Variants in TENT2 observed in about 807,000 individuals in gnomAD.
TENT2 encodes terminal nucleotidyltransferase 2, also known as poly(A) RNA polymerase GLD2.
TENT2 carries 44 observed loss-of-function variants against 72.2 expected under a neutral mutation model. That is an observed-to-expected ratio of 0.61 (90% CI 0.48 to 0.78). The LOEUF is 0.78. Among genes scored for constraint, TENT2 ranks in the 30% least tolerant of loss-of-function variants. The pLI, the probability that TENT2 is intolerant of heterozygous loss-of-function variation, is 0.00. For missense variants in TENT2, 541 were observed against 569.6 expected (o/e 0.95, Z 0.51); for synonymous variants, 212 against 192.5 (o/e 1.10, Z -0.84).
intron 10 of TENT2, among the ~76,000 whole-genome samples, chr5:79,650,717 A>T (rs1013664131): frequency 6.6e-6 from 1 of 152,090 alleles, no homozygotes. Context: ...CTTATGCTAT[A>T]GATCAAAAAT....
intron 4 of TENT2, among the ~76,000 whole-genome samples, chr5:79,636,478 GTTATA>G (rs1330076757): frequency 6.6e-6 from 1 of 152,094 alleles, no homozygotes; most frequent in Non-Finnish European, 1.5e-5. Flanking sequence ...TTACTGTAGT[GTTATA>G]TTAAGTATAG....
intron 2 of TENT2, 35 bp from the exon 3 acceptor site, chr5:79,619,959 G>T (rs1192175299): frequency 1.3e-6 from 2 of 1,505,548 alleles, no homozygotes; most frequent in Non-Finnish European, 1.8e-6. Context: ...GAAAAAATAT[G>T]TATAAATTAC....
At chr5:79,622,749 G>T (rs549493618) in intron 3 of TENT2, among the ~76,000 whole-genome samples, 1 of 152,146 alleles carries the variant, frequency 6.6e-6, no homozygotes, top group South Asian at 2.1e-4. Context: ...TATCTGAGTT[G>T]CAGCTCATTT....
intron 3 of TENT2, among the ~76,000 whole-genome samples, chr5:79,621,653 G>A (rs1360308187): frequency 6.6e-6 from 1 of 151,338 alleles, no homozygotes; most frequent in Non-Finnish European, 1.5e-5. Context: ...AGCTACTCAG[G>A]AGGCTGAGGC....
At chr5:79,640,712 T>C in intron 4 of TENT2, 139 bp from the exon 5 acceptor site, 1 of 506,628 alleles carries the variant, frequency 2.0e-6, no homozygotes, top group Non-Finnish European at 3.5e-6. Context: ...AATAGTAGCT[T>C]TGTTTTGGGA....
intron 14 of TENT2, among the ~76,000 whole-genome samples, chr5:79,683,287 T>TCA (rs1201461796): frequency 6.7e-6 from 1 of 150,182 alleles, no homozygotes; most frequent in Admixed American, 6.6e-5. Flanking sequence ...AAGACATAGT[T>TCA]CACACACACA....
At chr5:79,637,104 C>T (rs764462611) in intron 4 of TENT2, among the ~76,000 whole-genome samples, 3 of 152,088 alleles carry the variant, frequency 2.0e-5, no homozygotes, top group African/African-American at 4.8e-5. Flanking sequence ...TGTGGTGCTG[C>T]ACACCTTTAG....
chr5:79,619,672 T>C lies in TENT2; in HGVS notation c.24T>C (p.Gly8=). The C allele has an allele frequency of 6.2e-7, 1 of 1,613,644 alleles. No homozygotes were observed. The highest frequency in any genetic ancestry group is 8.5e-7 in the Non-Finnish European group (1 of 1,179,800). The change falls in exon 2 of 15, where the codon GGT becomes GGC. Residue 8 remains glycine, a synonymous_variant. Coordinates refer to ENST00000453514, the MANE Select transcript of TENT2 (RefSeq NM_001114394.3). MFPNSIL[G]RPPFTPNHQQ... is the part of the protein sequence containing the mutation. The stretch of plus-strand genomic sequence containing the variant: ...GCATGTTCCCAAACTCAATTTTGGG[T>C]CGCCCACCCTTCACTCCAAATCATC...
At chr5:79,653,810 AT>A (rs1404408832) in intron 10 of TENT2, among the ~76,000 whole-genome samples, 1 of 152,176 alleles carries the variant, frequency 6.6e-6, no homozygotes. Flanking sequence ...TGCAAGGTGT[AT>A]TGAGTAGTTA....
intron 4 of TENT2, among the ~76,000 whole-genome samples, chr5:79,635,781 C>G (rs1231915265): frequency 6.6e-6 from 1 of 152,174 alleles, no homozygotes; most frequent in African/African-American, 2.4e-5. Context: ...GTCTTGAACT[C>G]CTGAGCTCCG....
chr5:79,635,839 A>G (rs948549248), intron 4 of TENT2, among the ~76,000 whole-genome samples: 1 of 152,186 alleles, frequency 6.6e-6, no homozygotes, highest in Admixed American at 6.5e-5. Flanking sequence ...TACAGGCGTG[A>G]GCTACCTTGC....
intron 6 of TENT2, 46 bp from the exon 7 acceptor site, chr5:79,642,785 TA>T (rs1248741929): frequency 6.8e-7 from 1 of 1,459,878 alleles, no homozygotes; most frequent in Non-Finnish European, 9.4e-7. Context: ...AATGAAACAT[TA>T]AACTTAGAAA....
chr5:79,635,643 C>A (rs1333916181), intron 4 of TENT2, among the ~76,000 whole-genome samples: 1 of 152,112 alleles, frequency 6.6e-6, no homozygotes, highest in East Asian at 1.9e-4. Context: ...CAACCTCTGC[C>A]TCCAGGGTTC....
chr5:79,665,752 A>C (rs1440191437), intron 11 of TENT2, among the ~76,000 whole-genome samples: 1 of 152,128 alleles, frequency 6.6e-6, no homozygotes, highest in Non-Finnish European at 1.5e-5. Flanking sequence ...TAACCCAAAA[A>C]TTTATTTATT....
chr5:79,684,941 C>G (rs1012848077), intron 14 of TENT2, among the ~76,000 whole-genome samples: 1 of 152,120 alleles, frequency 6.6e-6, no homozygotes, highest in African/African-American at 2.4e-5. Context: ...GCCTGTAGTC[C>G]CAGCTACTCA....
chr5:79,634,038 G>A (rs530818262), intron 4 of TENT2, among the ~76,000 whole-genome samples: 2 of 150,038 alleles, frequency 1.3e-5, no homozygotes, highest in South Asian at 4.2e-4. Context: ...ACCTGGTGGC[G>A]GACGCCTATA....
chr5:79,677,936 G>T (rs1204557274), intron 12 of TENT2, among the ~76,000 whole-genome samples: 1 of 152,134 alleles, frequency 6.6e-6, no homozygotes, highest in Non-Finnish European at 1.5e-5. Context: ...GAGTAGCTGG[G>T]ACTATAGGCG....
intron 8 of TENT2, among the ~76,000 whole-genome samples, chr5:79,646,767 A>AGC (rs1789369833): frequency 7.1e-6 from 1 of 140,982 alleles, no homozygotes; most frequent in Admixed American, 7.2e-5. Flanking sequence ...TTTGTTCCTA[A>AGC]GCTTTTTTTT....
chr5:79,682,871 C>T (rs1275452343), intron 14 of TENT2, among the ~76,000 whole-genome samples: 1 of 152,050 alleles, frequency 6.6e-6, no homozygotes, highest in Non-Finnish European at 1.5e-5. Flanking sequence ...TCTTCAGGGA[C>T]TTCACAACAC....
Sources: allele counts gnomAD v4.1 joint callset (sites outside exome capture counted in the v4.1 genomes callset), GRCh38; gene constraint gnomAD v4.1.1; transcripts MANE v1.5; gene names NCBI Gene and HGNC (gene_info 2026-07-23, HGNC 2026-07-21).